RAD9B: variants seen among roughly 807,000 people sequenced by gnomAD.
RAD9B encodes the protein cell cycle checkpoint control protein RAD9B.
In RAD9B, 41 loss-of-function variants were observed where a neutral mutation model predicts 48.3. The ratio of observed to expected loss-of-function variants is 0.85; its 90% CI spans 0.66 to 1.10. RAD9B has a LOEUF of 1.10. Ranked by LOEUF, RAD9B falls within the 50% of genes least tolerant of loss-of-function variation. RAD9B has a pLI of 0.00. For synonymous variants in RAD9B, 160 were observed against 157.9 expected (o/e 1.01, Z -0.10); for missense variants, 444 against 485.1 (o/e 0.92, Z 0.80).
chr12:110,508,500 A>T lies in RAD9B; in HGVS notation c.388+1807A>T, dbSNP rs183884640. Among the ~76,000 whole-genome samples, 7 of 152,358 alleles carry T rather than the reference A, an allele frequency of 4.6e-5. No homozygotes were observed. The East Asian group carries it at 1.3e-3, about 29-fold the overall frequency. On this transcript the variant is annotated intron_variant, in intron 4 of 10. Transcript: ENST00000409300. ...GGTTTTTATAGGGTAGTTATATGAT[A>T]CTATGCCTTAGGTTACAAGTAACAA... is the stretch of plus-strand genomic sequence containing the variant.
chr12:110,507,367 A>G (rs2063308970), intron 4 of RAD9B, among the ~76,000 whole-genome samples: 1 of 143,288 alleles, frequency 7.0e-6, no homozygotes, highest in Non-Finnish European at 1.5e-5. Flanking sequence ...AATATGTATT[A>G]TATATAATAT....
At chr12:110,506,498 A>G in intron 3 of RAD9B, 81 bp from the exon 4 acceptor site, 1 of 776,038 alleles carries the variant, frequency 1.3e-6, no homozygotes, top group Non-Finnish European at 2.3e-6. Flanking sequence ...AAGTCTGTTC[A>G]TTTATGAATG....
chr12:110,520,628 C>CTTTTTTTTTTTTTTTTTTTTTGTTTTTTT (rs71083129), intron 9 of RAD9B, among the ~76,000 whole-genome samples: 4 of 99,966 alleles, frequency 4.0e-5, no homozygotes, highest in African/African-American at 8.0e-5. Context: ...TTCTTGCTTT[C>CTTTTTTTTTTTTTTTTTTTTTGTTTTTTT]TTTTTTTTTT....
At chr12:110,514,032 C>T (rs1369848265) in intron 5 of RAD9B, among the ~76,000 whole-genome samples, 1 of 106,692 alleles carries the variant, frequency 9.4e-6, no homozygotes, top group Non-Finnish European at 1.9e-5. Context: ...CTGGTCCCTT[C>T]CTTCCTTCCT....
intron 10 of RAD9B, among the ~76,000 whole-genome samples, chr12:110,528,318 G>T (rs902892817): frequency 6.6e-6 from 1 of 152,108 alleles, no homozygotes; most frequent in African/African-American, 2.4e-5. Context: ...TGGTTATGGG[G>T]GTTAAGGAAA....
intron 9 of RAD9B, among the ~76,000 whole-genome samples, chr12:110,521,680 A>C (rs1244339188): frequency 6.7e-6 from 1 of 149,272 alleles, no homozygotes; most frequent in Non-Finnish European, 1.5e-5. Context: ...CTCAGCCTCC[A>C]GAGTAGCTGG....
intron 4 of RAD9B, among the ~76,000 whole-genome samples, chr12:110,507,742 C>T (rs1469899790): frequency 1.3e-5 from 2 of 150,908 alleles, no homozygotes; most frequent in Non-Finnish European, 2.9e-5. Context: ...CCTCTACCTC[C>T]TGGGTTCAAG....
intron 5 of RAD9B, among the ~76,000 whole-genome samples, chr12:110,514,190 G>A (rs891994122): frequency 2.0e-5 from 3 of 152,044 alleles, no homozygotes; most frequent in African/African-American, 7.2e-5. Flanking sequence ...AATTTTGTAG[G>A]TGTTCCTGAC....
intron 9 of RAD9B, among the ~76,000 whole-genome samples, chr12:110,521,643 G>A (rs1432435856): frequency 7.0e-6 from 1 of 143,840 alleles, no homozygotes; most frequent in African/African-American, 2.6e-5. Context: ...TGCAACCTCC[G>A]CCTCCTGGGT....
intron 1 of RAD9B, 64 bp from the exon 2 acceptor site, chr12:110,503,742 C>G (rs1177779447): frequency 8.5e-7 from 1 of 1,178,122 alleles, no homozygotes; most frequent in Non-Finnish European, 1.2e-6. Flanking sequence ...CTGAACTAGT[C>G]TTGTGATTTG....
At chr12:110,520,254 C>T (rs954086003) in intron 9 of RAD9B, among the ~76,000 whole-genome samples, 2 of 152,222 alleles carry the variant, frequency 1.3e-5, no homozygotes, top group Non-Finnish European at 2.9e-5. Flanking sequence ...ATTGCCCAGG[C>T]TTGAGTGCTC....
chr12:110,526,782 G>C (rs949646391), intron 10 of RAD9B, among the ~76,000 whole-genome samples: 1 of 151,842 alleles, frequency 6.6e-6, no homozygotes, highest in Non-Finnish European at 1.5e-5. Flanking sequence ...GGTGGCGGGC[G>C]CCTGTAGTCC....
At chr12:110,528,449 G>A (rs2064014378) in intron 10 of RAD9B, among the ~76,000 whole-genome samples, 1 of 152,194 alleles carries the variant, frequency 6.6e-6, no homozygotes, top group Non-Finnish European at 1.5e-5. Context: ...GACCCGCAGT[G>A]CCGCCCACCA....
At chr12:110,515,021 A>G (rs765268544) in intron 5 of RAD9B, 29 bp from the exon 6 acceptor site, 1 of 1,331,404 alleles carries the variant, frequency 7.5e-7, no homozygotes, top group Non-Finnish European at 1.0e-6. Flanking sequence ...TTTTCAAATA[A>G]TGTTAATACT....
At chr12:110,510,964 AAG>A (rs963024760) in intron 4 of RAD9B, among the ~76,000 whole-genome samples, 1 of 152,080 alleles carries the variant, frequency 6.6e-6, no homozygotes, top group Non-Finnish European at 1.5e-5. Flanking sequence ...AAAAAAAAGA[AAG>A]AGAGAAAGGA....
intron 2 of RAD9B, among the ~76,000 whole-genome samples, chr12:110,504,275 C>T (rs1340235268): frequency 2.6e-5 from 4 of 151,574 alleles, no homozygotes; most frequent in Non-Finnish European, 2.9e-5. Flanking sequence ...TCGAGACTAG[C>T]CTGGTCCACA....
intron 6 of RAD9B, among the ~76,000 whole-genome samples, chr12:110,517,650 G>T (rs1458549031): frequency 6.6e-6 from 1 of 151,058 alleles, no homozygotes; most frequent in Non-Finnish European, 1.5e-5. Flanking sequence ...AAACATTAAA[G>T]TAATGTTATA....
rs143139409 is a variant in RAD9B, at chr12:110,505,026, A to C, written c.118-591A>C. The stretch of plus-strand genomic sequence containing the variant: ...GAAAAAAAGTAAAAAAGAAATTAAA[A>C]GAAAGTTAAGGCCCCTGTAGGCATT... On this transcript the variant is annotated intron_variant, in intron 2 of 10. Transcript: ENST00000409300. Among the ~76,000 whole-genome samples, 1,038 of 152,228 alleles carry C rather than the reference A, an allele frequency of 6.8e-3. 1 individual carries two copies. Among genetic ancestry groups the C allele is most frequent in the Non-Finnish European group, 9.3e-3 (634 of 68,000 alleles).
intron 1 of RAD9B, chr12:110,503,118 G>C (rs1593021582): frequency 6.6e-6 from 1 of 152,248 alleles, no homozygotes; most frequent in Non-Finnish European, 1.5e-5. Flanking sequence ...AGTGGTGGGC[G>C]CCTGTAATCC....
Sources: allele counts gnomAD v4.1 joint callset (sites outside exome capture counted in the v4.1 genomes callset), GRCh38; gene constraint gnomAD v4.1.1; transcripts MANE v1.5; gene names NCBI Gene and HGNC (gene_info 2026-07-23, HGNC 2026-07-21).